Variants in MPHOSPH10 observed in about 807,000 individuals in gnomAD.
MPHOSPH10 encodes the protein M-phase phosphoprotein 10, also known as U3 small nucleolar ribonucleoprotein MPP10.
Under a neutral mutation model 77.3 loss-of-function variants are expected in MPHOSPH10, and 33 were observed. The observed-to-expected ratio is 0.43, with a 90% confidence interval of 0.32 to 0.57. The LOEUF (loss-of-function observed/expected upper bound fraction) is 0.57, where lower values mean the gene tolerates loss of function less well. Ranked by LOEUF, MPHOSPH10 falls within the 20% of genes least tolerant of loss-of-function variation. The pLI, the probability that MPHOSPH10 is intolerant of heterozygous loss-of-function variation, is 0.07. For synonymous variants in MPHOSPH10, 245 were observed against 268.0 expected (o/e 0.91, Z 0.84); for missense variants, 708 against 780.1 (o/e 0.91, Z 1.10).
intron 4 of MPHOSPH10, 125 bp downstream of exon 4, chr2:71,134,922 T>G (rs1673456608): frequency 1.4e-6 from 1 of 731,944 alleles, no homozygotes; most frequent in Admixed American, 2.8e-5. Flanking sequence ...ATCCTAACAC[T>G]TTGGTAGTCC....
intron 1 of MPHOSPH10, 67 bp downstream of exon 1, chr2:71,130,821 C>A: frequency 6.8e-7 from 1 of 1,461,334 alleles, no homozygotes; most frequent in Non-Finnish European, 9.4e-7. Flanking sequence ...TGCAGGCCTC[C>A]GGCAAATTGT....
At chr2:71,131,072 T>C (rs72903591) in intron 1 of MPHOSPH10, among the ~76,000 whole-genome samples, 6,169 of 152,246 alleles carry the variant, frequency 0.041, 377 homozygotes, top group African/African-American at 0.13. Context: ...CTATGTGCTC[T>C]CAAAGCACTT....
chr2:71,132,416 C>G (rs1026961972), intron 1 of MPHOSPH10, among the ~76,000 whole-genome samples: 1 of 152,166 alleles, frequency 6.6e-6, no homozygotes, highest in Admixed American at 6.5e-5. Context: ...CTCAAGCTCA[C>G]CTCTAGAGGA....
intron 8 of MPHOSPH10, among the ~76,000 whole-genome samples, chr2:71,144,860 C>T (rs1376869331): frequency 6.6e-6 from 1 of 152,218 alleles, no homozygotes; most frequent in Non-Finnish European, 1.5e-5. Flanking sequence ...CCTACCCTCT[C>T]AGTCTTCTGT....
chr2:71,136,723 A>G (rs534165941), intron 4 of MPHOSPH10, among the ~76,000 whole-genome samples: 4 of 152,244 alleles, frequency 2.6e-5, no homozygotes, highest in Admixed American at 2.0e-4. Context: ...CCCTTCCCCA[A>G]CAAATAAAGA....
intron 7 of MPHOSPH10, among the ~76,000 whole-genome samples, chr2:71,142,976 CTT>C (rs1393849339): frequency 6.6e-6 from 1 of 152,066 alleles, no homozygotes; most frequent in Non-Finnish European, 1.5e-5. Flanking sequence ...ATGAAATTTT[CTT>C]TTTCTCTTCA....
intron 1 of MPHOSPH10, among the ~76,000 whole-genome samples, chr2:71,131,627 G>T (rs1325849479): frequency 6.6e-5 from 10 of 152,144 alleles, no homozygotes; most frequent in Admixed American, 6.6e-4. Context: ...ATGGGGAAGG[G>T]GTTGCTTTAT....
chr2:71,144,262 T>A (rs1335853928), intron 7 of MPHOSPH10, 166 bp from the exon 8 acceptor site: 4 of 572,696 alleles, frequency 7.0e-6, no homozygotes, highest in South Asian at 2.1e-5. Context: ...TGGTAGGTGC[T>A]GGAACCCTCA....
chr2:71,140,384 A>G (rs1224322001), intron 6 of MPHOSPH10, among the ~76,000 whole-genome samples: 1 of 152,170 alleles, frequency 6.6e-6, no homozygotes, highest in Non-Finnish European at 1.5e-5. Context: ...TGAGCATGCT[A>G]AGATGCTGGC....
At chr2:71,145,521 G>A (rs994774792) in intron 8 of MPHOSPH10, among the ~76,000 whole-genome samples, 1 of 128,412 alleles carries the variant, frequency 7.8e-6, no homozygotes, top group African/African-American at 2.9e-5. Context: ...TTTTTTTTTG[G>A]TATATATGTA....
chr2:71,146,691 A>G (rs1045213267), intron 8 of MPHOSPH10, among the ~76,000 whole-genome samples: 1 of 152,284 alleles, frequency 6.6e-6, no homozygotes, highest in South Asian at 2.1e-4. Flanking sequence ...TTTAAACACT[A>G]GAATGGAACA....
At chr2:71,133,627 T>C (rs1369408560) in intron 2 of MPHOSPH10, 51 bp downstream of exon 2, 1 of 1,480,878 alleles carries the variant, frequency 6.8e-7, no homozygotes, top group Admixed American at 2.3e-5. Context: ...TTAGCTTTTC[T>C]TCTGTTTTTC....
At position 71,133,286 on chromosome 2, in the gene MPHOSPH10, C is replaced by T; in HGVS notation, c.478C>T (p.Leu160=). The change falls in exon 2 of 11, where the codon CTG becomes TTG. Residue 160 remains leucine, a synonymous_variant. Transcript: ENST00000244230. The stretch of plus-strand genomic sequence containing the variant: ...AGCTGAAAACTCAAGCAAATCTGAT[C>T]TGAGGAAAAGCCCCGTTTTCAGTGA... ...ERAENSSKSD[L]RKSPVFSDED... 1.1e-5 allele frequency: 18 copies of T among 1,614,080 alleles called. No homozygotes were observed. Among genetic ancestry groups the T allele is most frequent in the Non-Finnish European group, 1.5e-5 (18 of 1,180,020 alleles).
rs377211972 is a variant in MPHOSPH10, at chr2:71,134,622, G to A, written c.927-4G>A. 440 of 1,589,794 alleles carry A rather than the reference G, an allele frequency of 2.8e-4. No homozygotes were observed. The highest frequency in any genetic ancestry group is 5.9e-4 in the Admixed American group (31 of 52,662). ...TTCTTTTTATAAGAGTTTTGGTATT[G>A]TAGGGATGAAGATGATGACCTTCAA... On this transcript the variant is annotated splice_polypyrimidine_tract_variant and splice_region_variant and intron_variant, in intron 3 of 10. Transcript: ENST00000244230.
rs772665667 is a variant in MPHOSPH10, at chr2:71,133,981, G to C, written c.802G>C (p.Asp268His). Residue 268 changes from aspartate (D) to histidine (H), a missense_variant, in exon 3 of 11, where the codon GAT (aspartate) becomes CAT (histidine). By Grantham distance (81) the Asp-to-His change is moderately conservative. Around this residue, in one of 3 missense-constraint regions of MPHOSPH10, gnomAD observed 433 missense variants for 432.6 expected, o/e 1.00. Coordinates refer to ENST00000244230, the MANE Select transcript of MPHOSPH10 (RefSeq NM_005791.3). ...AAGTTCCAGAAATCTGAAATACAAA[G>C]ATTTTTTTGATCCAGTTGAAAGTGA... ...GKSSRNLKYK[D>H]FFDPVESDED... 25 of 1,586,580 alleles carry C rather than the reference G, an allele frequency of 1.6e-5. No homozygotes were observed. In the Admixed American group the frequency reaches 4.3e-4, roughly 27 times the overall value.
At chr2:71,149,562 T>C (rs898825436) in intron 10 of MPHOSPH10, 109 bp downstream of exon 10, 52 of 1,013,318 alleles carry the variant, frequency 5.1e-5, no homozygotes, top group Non-Finnish European at 7.2e-5. Flanking sequence ...ACCTGCGGGA[T>C]AGAGATGCAT....
In MPHOSPH10 at chr2:71,144,512, T is replaced by C. The variant is rs773267030; in HGVS notation, c.1531T>C (p.Ser511Pro). 6.2e-7 allele frequency: 1 copy of C among 1,613,934 alleles called. No homozygotes were observed. The highest frequency in any genetic ancestry group is 1.1e-5 in the South Asian group (1 of 91,074). ...DSLFLKLDAL[S>P]NFHFIPKPPV... ...CCTCTTCTTAAAATTGGATGCCCTCTCAAACTTCCACTTTATCCCTAAACC... is the reference window on the plus strand; with the variant it reads ...CCTCTTCTTAAAATTGGATGCCCTCCCAAACTTCCACTTTATCCCTAAACC... The change falls in exon 8 of 11, where the codon TCA becomes CCA. Residue 511 changes from serine (S) to proline (P), a missense_variant. Around this residue, in one of 3 missense-constraint regions of MPHOSPH10, gnomAD observed 263 missense variants for 320.0 expected, o/e 0.82. Coordinates refer to ENST00000244230, the MANE Select transcript of MPHOSPH10 (RefSeq NM_005791.3).
At chr2:71,144,163 C>A in intron 7 of MPHOSPH10, 1 of 245,340 alleles carries the variant, frequency 4.1e-6, no homozygotes, top group Non-Finnish European at 7.8e-6. Flanking sequence ...TAGTTTTTGA[C>A]AGAAGTAAAT....
chr2:71,149,822 T>C lies in MPHOSPH10; in HGVS notation c.1897-44T>C, dbSNP rs777469308. The C allele has an allele frequency of 3.4e-6, 5 of 1,488,556 alleles. No homozygotes were observed. In the Admixed American group the frequency reaches 7.8e-5, roughly 23 times the overall value. 92.2% of individuals were successfully genotyped at this position (1,488,556 alleles called of 1,614,324 possible). ...TACTATTTTTGGCTTTTTTCACTTA[T>C]AAGTACATTTTACAGCATAAGCATG... On this transcript the variant is annotated intron_variant, in intron 10 of 10. Coordinates refer to ENST00000244230, the MANE Select transcript of MPHOSPH10 (RefSeq NM_005791.3).
Sources: gnomAD v4.1 joint callset for allele counts (sites outside exome capture counted in the v4.1 genomes callset) on GRCh38, gnomAD v4.1.1 for gene constraint, gnomAD v4.1.1 regional missense constraint, MANE v1.5 for transcripts, NCBI Gene and HGNC (gene_info 2026-07-23, HGNC 2026-07-21) for gene names.